The following NRK variants were observed in gnomAD, a reference collection of about 807,000 sequenced individuals.
NRK encodes Nik related kinase, also known as nik-related protein kinase.
NRK carries 67 observed loss-of-function variants against 125.2 expected under a neutral mutation model. The ratio of observed to expected loss-of-function variants is 0.54; its 90% CI spans 0.44 to 0.66. The LOEUF (loss-of-function observed/expected upper bound fraction) is 0.66, where lower values mean the gene tolerates loss of function less well. Ranked by LOEUF, NRK falls within the 30% of genes least tolerant of loss-of-function variation. The probability of loss-of-function intolerance (pLI) is 0.00; values close to 1 mark genes in which losing one functional copy is unlikely to be tolerated. For missense variants in NRK, 1,224 were observed against 1,192.9 expected (o/e 1.03, Z -0.38); for synonymous variants, 458 against 429.0 (o/e 1.07, Z -0.84).
intron 2 of NRK, among the ~76,000 whole-genome samples, chrX:105,878,252 A>T (rs1479261150): frequency 9.0e-6 from 1 of 111,121 alleles, no homozygotes; most frequent in Non-Finnish European, 1.9e-5. Context: ...CAGAGATGTA[A>T]ATAAATTTGA....
chrX:105,880,877 A>G (rs906170443), intron 3 of NRK, among the ~76,000 whole-genome samples: 2 of 111,624 alleles, frequency 1.8e-5, no homozygotes, highest in South Asian at 3.7e-4. Flanking sequence ...CTTTCTCAAG[A>G]TAATATTATC....
At chrX:105,914,354 A>T (rs1029292908) in intron 14 of NRK, among the ~76,000 whole-genome samples, 8 of 111,134 alleles carry the variant, frequency 7.2e-5, no homozygotes, top group African/African-American at 2.6e-4. Flanking sequence ...TTGCCTTATT[A>T]AATGACTTTA....
intron 2 of NRK, among the ~76,000 whole-genome samples, chrX:105,872,337 G>A (rs765637570): frequency 1.8e-5 from 2 of 111,357 alleles, no homozygotes; most frequent in African/African-American, 3.3e-5. Context: ...ACCAAATAGC[G>A]CCTGTCAAAC....
chrX:105,888,361 T>A lies in NRK; in HGVS notation c.320T>A (p.Val107Glu). 1 of 1,199,261 alleles carries A rather than the reference T, an allele frequency of 8.3e-7. No homozygotes were observed. The highest frequency in any genetic ancestry group is 1.1e-6 in the Non-Finnish European group (1 of 886,978). Reference protein sequence around the residue: ...LRKYSFHKNIVSFYGAFFKLS... With the variant: ...LRKYSFHKNIESFYGAFFKLS... ...AAGTACTCTTTCCACAAAAACATTG[T>A]GTCCTTCTATGGAGCATTTTTCAAG... is the stretch of plus-strand genomic sequence containing the variant. Residue 107 changes from valine to glutamate, a missense_variant, in exon 5 of 29, where the codon GTG becomes GAG. Physicochemically the swap from Val to Glu is moderately radical, Grantham distance 121. Coordinates refer to ENST00000243300, the MANE Select transcript of NRK (RefSeq NM_198465.4).
At chrX:105,932,758 C>A (rs1328071769) in intron 19 of NRK, among the ~76,000 whole-genome samples, 1 of 110,899 alleles carries the variant, frequency 9.0e-6, no homozygotes, top group African/African-American at 3.3e-5. Flanking sequence ...GAAGGCTGCC[C>A]CCTCACCTCT....
chrX:105,866,244 A>C (rs2147687093), intron 2 of NRK, among the ~76,000 whole-genome samples: 1 of 111,467 alleles, frequency 9.0e-6, no homozygotes, highest in South Asian at 3.7e-4. Flanking sequence ...ATAGAATTAC[A>C]AAAGACATTG....
intron 11 of NRK, chrX:105,907,339 C>T (rs1403874092): frequency 9.0e-6 from 1 of 111,559 alleles, no homozygotes; most frequent in East Asian, 2.8e-4. Flanking sequence ...ACATATTCCA[C>T]ATTTGATTTT....
intron 4 of NRK, among the ~76,000 whole-genome samples, 161 bp from the exon 5 acceptor site, chrX:105,888,133 G>A (rs1265274105): frequency 8.9e-6 from 1 of 112,113 alleles, no homozygotes; most frequent in Non-Finnish European, 1.9e-5. Context: ...TTAACCAGAG[G>A]TCTTCATTCA....
At chrX:105,849,864 T>C (rs764413738) in intron 2 of NRK, among the ~76,000 whole-genome samples, 1 of 112,241 alleles carries the variant, frequency 8.9e-6, no homozygotes, top group Admixed American at 9.4e-5. Flanking sequence ...TTTCACAGGC[T>C]GGCATTGAGT....
intron 1 of NRK, 64 bp from the exon 2 acceptor site, chrX:105,830,990 A>C: frequency 1.5e-6 from 1 of 672,074 alleles, no homozygotes; most frequent in Non-Finnish European, 2.4e-6. Context: ...ATTAAAAAAA[A>C]GATAGTTGAA....
At chrX:105,822,490 C>G (rs2039033807), upstream of NRK, 1 of 286,444 alleles carries the variant, frequency 3.5e-6, no homozygotes, top group Non-Finnish European at 6.2e-6. Context: ...GTCCCCTCTC[C>G]TTGCACCGCC....
chrX:105,844,017 G>C (rs867421129), intron 2 of NRK, among the ~76,000 whole-genome samples: 7 of 85,387 alleles, frequency 8.2e-5, no homozygotes, highest in South Asian at 5.3e-4. Flanking sequence ...GTGTGTGTGT[G>C]TCTGTGTGTG....
intron 16 of NRK, among the ~76,000 whole-genome samples, chrX:105,919,817 C>T (rs952776507): frequency 9.9e-5 from 11 of 111,296 alleles, no homozygotes; most frequent in South Asian, 3.8e-4. Context: ...GAGTAGGTTG[C>T]GAAAATTTTC....
chrX:105,838,092 G>A (rs2039287882), intron 2 of NRK, among the ~76,000 whole-genome samples: 1 of 111,424 alleles, frequency 9.0e-6, no homozygotes, highest in African/African-American at 3.3e-5. Flanking sequence ...ACAGTGCCTG[G>A]CACTCAGTAA....
chrX:105,857,525 A>G (rs1160377819), intron 2 of NRK, among the ~76,000 whole-genome samples: 2 of 111,886 alleles, frequency 1.8e-5, no homozygotes, highest in African/African-American at 3.2e-5. Flanking sequence ...CTGAGGCCAA[A>G]TAAACAAATA....
At position 105,953,078 on chromosome X, in the gene NRK, A is replaced by G. The variant is rs1205785066; in HGVS notation, c.4558A>G (p.Ile1520Val). The change falls in exon 28 of 29, where the codon ATT becomes GTT. Residue 1520 changes from isoleucine (I) to valine (V), a missense_variant. Ile to Val is a conservative substitution (Grantham distance 29, BLOSUM62 3). Coordinates refer to ENST00000243300, the MANE Select transcript of NRK (RefSeq NM_198465.4). Reference protein sequence around the residue: ...QRTTGWGQKAIEVRSLQSRVL... With the variant: ...QRTTGWGQKAVEVRSLQSRVL... ...AACCACAGGATGGGGCCAAAAGGCCATTGAAGTGCGCTCTTTGCAATCCAG... is the reference window on the plus strand; with the variant it reads ...AACCACAGGATGGGGCCAAAAGGCCGTTGAAGTGCGCTCTTTGCAATCCAG... The G allele has an allele frequency of 2.5e-6, 3 of 1,195,235 alleles. No homozygotes were observed. In the African/African-American group the frequency reaches 5.2e-5, roughly 21 times the overall value.
chrX:105,938,509 C>T (rs940699223), intron 22 of NRK, among the ~76,000 whole-genome samples: 2 of 111,205 alleles, frequency 1.8e-5, no homozygotes, highest in Non-Finnish European at 3.8e-5. Flanking sequence ...GTTTAAGGTA[C>T]GTAGAAGTAA....
rs1259995066 is a variant in NRK at position 105,956,050 on chromosome X, T to A, written c.*450T>A. Reference sequence around the variant, plus strand: ...AAAGCTATATAAAGAACCAAAGGTTTAGTCAAGAAACAAAAATCTTAAAGA... The same window carrying A: ...AAAGCTATATAAAGAACCAAAGGTTAAGTCAAGAAACAAAAATCTTAAAGA... On this transcript the variant is annotated 3_prime_UTR_variant, in exon 29 of 29. Coordinates refer to ENST00000243300, the MANE Select transcript of NRK (RefSeq NM_198465.4). The A allele has an allele frequency of 8.9e-6, 1 of 112,129 alleles. No individual in the cohort carries two copies. The highest frequency in any genetic ancestry group is 1.9e-5 in the Non-Finnish European group (1 of 53,447). The allele number at this position is 112,129 out of a possible 1,213,427, so 9.2% of individuals were successfully genotyped here. A position where few individuals can be genotyped will look rare whatever the true frequency, so the allele number is the denominator to read the frequency against.
chrX:105,886,954 C>T (rs760788525), intron 4 of NRK, among the ~76,000 whole-genome samples: 2 of 110,746 alleles, frequency 1.8e-5, no homozygotes, highest in Admixed American at 9.6e-5. Context: ...GGATCAGACA[C>T]CTAAGTATAA....
Sources: gnomAD v4.1 joint callset for allele counts (sites outside exome capture counted in the v4.1 genomes callset) on GRCh38, gnomAD v4.1.1 for gene constraint, MANE v1.5 for transcripts, NCBI Gene and HGNC (gene_info 2026-07-23, HGNC 2026-07-21) for gene names.